The following SSBP2 variants were observed in gnomAD, a reference collection of about 807,000 sequenced individuals.
The protein encoded by SSBP2 is single stranded DNA binding protein 2, also known as single-stranded DNA-binding protein 2.
SSBP2 carries 17 observed loss-of-function variants against 61.8 expected under a neutral mutation model. That is an observed-to-expected ratio of 0.28 (90% confidence interval 0.19 to 0.41). SSBP2 has a LOEUF of 0.41. Ranked by LOEUF, SSBP2 falls within the 10% of genes least tolerant of loss-of-function variation. The probability of loss-of-function intolerance (pLI) is 1.00; values close to 1 mark genes in which losing one functional copy is unlikely to be tolerated. For missense variants in SSBP2, 310 were observed against 458.7 expected (o/e 0.68, Z 2.96); for synonymous variants, 139 against 141.3 (o/e 0.98, Z 0.12).
chr5:81,457,180 T>C (rs1317313152), intron 10 of SSBP2, among the ~76,000 whole-genome samples: 1 of 152,154 alleles, frequency 6.6e-6, no homozygotes, highest in Non-Finnish European at 1.5e-5. Flanking sequence ...AGAGCTTCAA[T>C]GTGCTCAGAG....
At chr5:81,584,313 T>C (rs1774904842) in intron 4 of SSBP2, among the ~76,000 whole-genome samples, 1 of 152,198 alleles carries the variant, frequency 6.6e-6, no homozygotes, top group South Asian at 2.1e-4. Context: ...ACAGAATATA[T>C]ATAATTTTTC....
At chr5:81,546,738 T>C (rs921199440) in intron 4 of SSBP2, among the ~76,000 whole-genome samples, 5 of 152,100 alleles carry the variant, frequency 3.3e-5, no homozygotes, top group Non-Finnish European at 7.4e-5. Flanking sequence ...CATGGTAACT[T>C]TTGGACAGGC....
At chr5:81,611,500 T>A (rs1745435212) in intron 4 of SSBP2, among the ~76,000 whole-genome samples, 1 of 152,186 alleles carries the variant, frequency 6.6e-6, no homozygotes, top group Admixed American at 6.5e-5. Flanking sequence ...CCATAGTAAG[T>A]TATAAATTTT....
intron 1 of SSBP2, among the ~76,000 whole-genome samples, chr5:81,678,014 T>C (rs1752114124): frequency 6.6e-6 from 1 of 151,976 alleles, no homozygotes; most frequent in Admixed American, 6.6e-5. Flanking sequence ...TAAGAAAAAA[T>C]TACATGGCAT....
chr5:81,427,722 G>C (rs1762039940), intron 16 of SSBP2, among the ~76,000 whole-genome samples: 1 of 152,154 alleles, frequency 6.6e-6, no homozygotes, highest in South Asian at 2.1e-4. Context: ...ATTCATTTGG[G>C]TTTTGAAATC....
intron 1 of SSBP2, among the ~76,000 whole-genome samples, chr5:81,718,130 CAAG>C (rs368301211): frequency 7.4e-4 from 112 of 152,118 alleles, no homozygotes; most frequent in African/African-American, 2.6e-3. Context: ...AAGCAAATAA[CAAG>C]AAATAATATT....
chr5:81,487,986 T>C (rs926400361), intron 6 of SSBP2, among the ~76,000 whole-genome samples: 2 of 139,798 alleles, frequency 1.4e-5, no homozygotes, highest in Admixed American at 7.6e-5. Flanking sequence ...AATGGCAGTA[T>C]TTCCTTCTTG....
chr5:81,636,357 T>C, intron 3 of SSBP2, 200 bp downstream of exon 3: 1 of 429,548 alleles, frequency 2.3e-6, no homozygotes, highest in South Asian at 8.9e-5. Context: ...CTGGTTCCAA[T>C]TCCAGTTGAA....
chr5:81,739,346 T>C (rs753490002), intron 1 of SSBP2, among the ~76,000 whole-genome samples: 1 of 152,134 alleles, frequency 6.6e-6, no homozygotes, highest in African/African-American at 2.4e-5. Context: ...TGATTCTCTC[T>C]CTGGCTAAAA....
At position 81,524,195 on chromosome 5, in the gene SSBP2, T is replaced by G. The variant is rs1343432723; in HGVS notation, c.283-10478A>C. ...TCTATGTCCTAATCCCCAGAGCCTG[T>G]GAATGTGGGGCTTCTAAATCCTGTA... On this transcript the variant is annotated intron_variant, in intron 4 of 16. Transcript: ENST00000320672. Among the ~76,000 whole-genome samples the G allele has an allele frequency of 2.6e-5, 4 of 152,044 alleles. No homozygotes were observed. The East Asian group carries it at 7.7e-4, about 29-fold the overall frequency.
At position 81,589,178 on chromosome 5, in the gene SSBP2, A is replaced by C. The variant is rs979033497; in HGVS notation, c.282+26295T>G. ...GAAGGTCACGTATCAAAAAGTCAGGACTTCAAAAAATATCAAACTAACATG... is the reference window on the plus strand; with the variant it reads ...GAAGGTCACGTATCAAAAAGTCAGGCCTTCAAAAAATATCAAACTAACATG... On this transcript the variant is annotated intron_variant, in intron 4 of 16. Coordinates refer to ENST00000320672, the MANE Select transcript of SSBP2 (RefSeq NM_012446.5). Among the ~76,000 whole-genome samples the C allele has an allele frequency of 5.9e-5, 9 of 152,356 alleles. No individual in the cohort carries two copies. In the East Asian group the frequency reaches 1.7e-3, roughly 29 times the overall value.
At chr5:81,680,789 G>T (rs999119396) in intron 1 of SSBP2, among the ~76,000 whole-genome samples, 2 of 152,150 alleles carry the variant, frequency 1.3e-5, no homozygotes, top group African/African-American at 2.4e-5. Context: ...AGAACTACAA[G>T]GAGAAATAGA....
rs562355298 is a variant in SSBP2 at position 81,455,269 on chromosome 5, C to T, written c.687+5786G>A. Among the ~76,000 whole-genome samples the T allele has an allele frequency of 9.0e-4, 137 of 152,278 alleles. 2 individuals carry two copies. Among genetic ancestry groups the T allele is most frequent in the Non-Finnish European group, 8.8e-5 (6 of 68,014 alleles). ...TGTGTTATTCCCATTCTCCCAGCTA[C>T]TTGGATTCAAAGAGTTGAAATCACC... is the stretch of plus-strand genomic sequence containing the variant. On this transcript the variant is annotated intron_variant, in intron 10 of 16. Coordinates refer to ENST00000320672, the MANE Select transcript of SSBP2 (RefSeq NM_012446.5).
At chr5:81,520,800 T>C (rs945732557) in intron 4 of SSBP2, among the ~76,000 whole-genome samples, 3 of 152,140 alleles carry the variant, frequency 2.0e-5, no homozygotes, top group African/African-American at 7.2e-5. Context: ...GCCCACACTG[T>C]TGTCAGTCCA....
intron 7 of SSBP2, 39 bp downstream of exon 7, chr5:81,474,457 T>A (rs772901009): frequency 1.3e-6 from 2 of 1,551,858 alleles, no homozygotes; most frequent in South Asian, 2.2e-5. Flanking sequence ...TCCTCTATGG[T>A]TCTGCACATC....
intron 9 of SSBP2, among the ~76,000 whole-genome samples, chr5:81,462,436 T>C (rs2154001954): frequency 6.6e-6 from 1 of 152,312 alleles, no homozygotes; most frequent in African/African-American, 2.4e-5. Context: ...GTCCTGTCCC[T>C]GGGCTCTATT....
chr5:81,426,742 T>C (rs551286168), intron 16 of SSBP2, among the ~76,000 whole-genome samples: 3 of 152,352 alleles, frequency 2.0e-5, no homozygotes, highest in East Asian at 1.9e-4. Context: ...CAGTTCTGAA[T>C]TGGTACCCCT....
Position 81,700,018 on chromosome 5 carries a change from A to G in SSBP2, c.63-49679T>C, listed in dbSNP as rs577617219. On this transcript the variant is annotated intron_variant, in intron 1 of 16. Coordinates refer to ENST00000320672, the MANE Select transcript of SSBP2 (RefSeq NM_012446.5). ...CACCACACCTAGCTAAATTTTTTTA[A>G]TATTTTTTTGTAGTGATGAAGTTTC... 1.7e-4 allele frequency among the ~76,000 whole-genome samples: 26 copies of G among 151,992 alleles called. 1 individual carries two copies. The South Asian group carries it at 5.4e-3, about 32-fold the overall frequency.
chr5:81,429,501 C>T (rs928211261), intron 15 of SSBP2, among the ~76,000 whole-genome samples: 7 of 152,086 alleles, frequency 4.6e-5, no homozygotes, highest in African/African-American at 1.4e-4. Context: ...TGTAGAATGA[C>T]ATTGGACTAT....
Sources: gnomAD v4.1 joint callset for allele counts (sites outside exome capture counted in the v4.1 genomes callset) on GRCh38, gnomAD v4.1.1 for gene constraint, MANE v1.5 for transcripts, NCBI Gene and HGNC (gene_info 2026-07-23, HGNC 2026-07-21) for gene names.